The following MAP3K7 variants were observed in gnomAD, a reference collection of about 807,000 sequenced individuals.
The protein encoded by MAP3K7 is TGF-beta activated kinase 1.
Under a neutral mutation model 84.8 loss-of-function variants are expected in MAP3K7, and 21 were observed. The ratio of observed to expected loss-of-function variants is 0.25; its 90% CI spans 0.18 to 0.36. MAP3K7 has a LOEUF of 0.36. Among genes scored for constraint, MAP3K7 ranks in the 10% least tolerant of loss-of-function variants. The pLI is 1.00. For missense variants in MAP3K7, 503 were observed against 747.7 expected (o/e 0.67, Z 3.82); for synonymous variants, 241 against 247.7 (o/e 0.97, Z 0.25).
intron 3 of MAP3K7, among the ~76,000 whole-genome samples, chr6:90,566,893 C>A (rs1243404169): frequency 6.6e-6 from 1 of 152,090 alleles, no homozygotes; most frequent in Non-Finnish European, 1.5e-5. Context: ...GAACAGAGCC[C>A]TCAGAAATAA....
rs911602383 is a variant in MAP3K7 at position 90,587,039 on chromosome 6, C to A, written c.-156G>T. The A allele has an allele frequency of 1.6e-5, 14 of 871,076 alleles. No homozygotes were observed. The highest frequency in any genetic ancestry group is 2.1e-5 in the Non-Finnish European group (13 of 622,206). 54.0% of individuals were successfully genotyped at this position (871,076 alleles called of 1,614,324 possible). On this transcript the variant is annotated 5_prime_UTR_variant, in exon 1 of 17. Coordinates refer to ENST00000369329, the MANE Select transcript of MAP3K7 (RefSeq NM_145331.3). ...CGGGGGTAGAGGCAGCGGCCACAGC[C>A]GTGTCCGGCTCTGGCTCCGCTGCGT...
intron 14 of MAP3K7, among the ~76,000 whole-genome samples, chr6:90,520,598 T>C (rs1429280585): frequency 6.6e-6 from 1 of 152,050 alleles, no homozygotes; most frequent in African/African-American, 2.4e-5. Context: ...AATAGTATAG[T>C]ATGAATTCCA....
chr6:90,576,735 C>T (rs947416652), intron 1 of MAP3K7, among the ~76,000 whole-genome samples: 3 of 152,150 alleles, frequency 2.0e-5, no homozygotes, highest in African/African-American at 7.2e-5. Flanking sequence ...CTCTGCCTCA[C>T]TCCAATTTTA....
intron 11 of MAP3K7, 108 bp from the exon 12 acceptor site, chr6:90,544,740 C>T (rs756305567): frequency 2.7e-5 from 24 of 890,720 alleles, no homozygotes; most frequent in South Asian, 4.4e-5. Context: ...ATGTTAATAA[C>T]ATTTCATGCA....
chr6:90,564,375 T>G (rs181080830), intron 3 of MAP3K7, among the ~76,000 whole-genome samples: 4 of 152,026 alleles, frequency 2.6e-5, no homozygotes, highest in African/African-American at 9.7e-5. Context: ...TGGAGGAAGA[T>G]CTACCAAGCA....
intron 14 of MAP3K7, among the ~76,000 whole-genome samples, chr6:90,522,504 G>A (rs1383180484): frequency 2.0e-5 from 3 of 152,076 alleles, no homozygotes; most frequent in Admixed American, 2.0e-4. Flanking sequence ...ATAAAACTGG[G>A]CAAGAGCATT....
At chr6:90,548,246 A>C (rs1206802691) in intron 9 of MAP3K7, 69 bp from the exon 10 acceptor site, 2 of 1,334,494 alleles carry the variant, frequency 1.5e-6, no homozygotes, top group African/African-American at 3.0e-5. Flanking sequence ...GGTATTATGT[A>C]ACTTACATTC....
intron 4 of MAP3K7, among the ~76,000 whole-genome samples, chr6:90,561,034 A>C (rs1265950884): frequency 6.6e-6 from 1 of 152,200 alleles, no homozygotes; most frequent in Non-Finnish European, 1.5e-5. Flanking sequence ...AAATATAAGT[A>C]AAAGTTTACA....
intron 1 of MAP3K7, among the ~76,000 whole-genome samples, chr6:90,586,124 G>A (rs1777440998): frequency 6.6e-6 from 1 of 152,038 alleles, no homozygotes; most frequent in African/African-American, 2.4e-5. Context: ...TGTAATCCCA[G>A]CACTTTGGGA....
At chr6:90,551,868 AG>A in intron 8 of MAP3K7, 180 bp downstream of exon 8, 1 of 588,016 alleles carries the variant, frequency 1.7e-6, no homozygotes, top group Non-Finnish European at 2.6e-6. Context: ...ATAAAGAACT[AG>A]ATTTTCCCTC....
chr6:90,556,738 T>A, intron 5 of MAP3K7, 114 bp from the exon 6 acceptor site: 2 of 1,049,986 alleles, frequency 1.9e-6, no homozygotes, highest in Non-Finnish European at 2.7e-6. Flanking sequence ...AATGTTATCA[T>A]TCAACTTCTG....
At chr6:90,564,073 A>G (rs576000007) in intron 3 of MAP3K7, among the ~76,000 whole-genome samples, 1 of 152,224 alleles carries the variant, frequency 6.6e-6, no homozygotes, top group Non-Finnish European at 1.5e-5. Context: ...AGGAAGCACT[A>G]AACATGGAAA....
At chr6:90,543,963 A>G (rs2127969591) in intron 12 of MAP3K7, among the ~76,000 whole-genome samples, 2 of 152,244 alleles carry the variant, frequency 1.3e-5, no homozygotes, top group South Asian at 4.1e-4. Context: ...CTGATAATAC[A>G]CAAAAATCAG....
intron 2 of MAP3K7, 91 bp from the exon 3 acceptor site, chr6:90,568,714 A>T: frequency 1.1e-6 from 1 of 887,398 alleles, no homozygotes; most frequent in Non-Finnish European, 1.7e-6. Flanking sequence ...TGTACAAAAC[A>T]TTTGTTTAAA....
chr6:90,548,019 C>CT (rs762844683), intron 10 of MAP3K7, 28 bp downstream of exon 10: 1 of 1,585,836 alleles, frequency 6.3e-7, no homozygotes, highest in Non-Finnish European at 8.6e-7. Context: ...GTAAGGTTAC[C>CT]AGTTTTACTT....
chr6:90,562,288 G>A (rs535998844), intron 3 of MAP3K7, among the ~76,000 whole-genome samples: 4 of 152,284 alleles, frequency 2.6e-5, no homozygotes, highest in South Asian at 2.1e-4. Context: ...CGCCTCACCC[G>A]GGAAGCACAA....
intron 4 of MAP3K7, among the ~76,000 whole-genome samples, chr6:90,560,731 A>G (rs1776485583): frequency 6.6e-6 from 1 of 152,196 alleles, no homozygotes; most frequent in South Asian, 2.1e-4. Flanking sequence ...CCATGATATT[A>G]ACATTTAATA....
In MAP3K7 at chr6:90,516,653, C is replaced by G; in HGVS notation, c.1669G>C (p.Asp557His). The G allele has an allele frequency of 6.2e-7, 1 of 1,607,428 alleles. No homozygotes were observed. Among genetic ancestry groups the G allele is most frequent in the Non-Finnish European group, 8.5e-7 (1 of 1,177,786 alleles). Residue 557 changes from aspartate (D) to histidine (H), a missense_variant, in exon 17 of 17, where the codon GAT (aspartate) becomes CAT (histidine). By Grantham distance (81) the Asp-to-His change is moderately conservative. Around this residue, in one of 5 missense-constraint regions of MAP3K7, gnomAD observed 36 missense variants for 74.5 expected, o/e 0.48. Transcript: ENST00000369329. The stretch of plus-strand genomic sequence containing the variant: ...GATGTATTTTGCTGGTCCTTTTCAT[C>G]CTGGTCCAGTTCTGCAACTAGTTCT... Reference protein sequence around the residue: ...KQELVAELDQDEKDQQNTSRL... With the variant: ...KQELVAELDQHEKDQQNTSRL...
chr6:90,572,653 A>G (rs896591057), intron 1 of MAP3K7, among the ~76,000 whole-genome samples: 1 of 151,928 alleles, frequency 6.6e-6, no homozygotes. Context: ...GTACACTTCA[A>G]ATGGGTGAAT....
Sources: gnomAD v4.1 joint callset for allele counts (sites outside exome capture counted in the v4.1 genomes callset) on GRCh38, gnomAD v4.1.1 for gene constraint, gnomAD v4.1.1 regional missense constraint, MANE v1.5 for transcripts, NCBI Gene and HGNC (gene_info 2026-07-23, HGNC 2026-07-21) for gene names.